Variants in KLHL32 observed in about 807,000 individuals in gnomAD.
The protein encoded by KLHL32 is kelch-like protein 32.
Under a neutral mutation model 64.8 loss-of-function variants are expected in KLHL32, and 35 were observed. The observed-to-expected ratio is 0.54, with a 90% confidence interval of 0.41 to 0.72. The LOEUF (loss-of-function observed/expected upper bound fraction) is 0.72. Among genes scored for constraint, KLHL32 ranks in the 30% least tolerant of loss-of-function variants. The pLI, the probability that KLHL32 is intolerant of heterozygous loss-of-function variation, is 0.00. For synonymous variants in KLHL32, 259 were observed against 281.0 expected (o/e 0.92, Z 0.78); for missense variants, 589 against 768.5 (o/e 0.77, Z 2.76).
chr6:97,014,009 T>G (rs1353660517), intron 3 of KLHL32, among the ~76,000 whole-genome samples: 3 of 152,164 alleles, frequency 2.0e-5, no homozygotes, highest in Non-Finnish European at 4.4e-5. Flanking sequence ...TTTCTCTCTG[T>G]ATATGTTTCT....
At chr6:97,029,392 T>C (rs1003792708) in intron 3 of KLHL32, among the ~76,000 whole-genome samples, 6 of 152,244 alleles carry the variant, frequency 3.9e-5, no homozygotes, top group Admixed American at 1.3e-4. Flanking sequence ...TTTTAGCATA[T>C]AAGATGGATC....
rs751842867 is a variant in KLHL32 at position 97,085,251 on chromosome 6, A to G, written c.537A>G (p.Pro179=). ...KHLSELLKSR[P]EEVLTLPYCL... is the part of the protein sequence containing the mutation. ...TCTCTGAACTCCTGAAGAGCCGCCC[A>G]GAAGAAGTTCTAACGCTTCCCTATT... The change falls in exon 6 of 11, where the codon CCA becomes CCG. Residue 179 remains proline, a synonymous_variant. Coordinates refer to ENST00000369261, the MANE Select transcript of KLHL32 (RefSeq NM_052904.4). The G allele has an allele frequency of 1.2e-6, 2 of 1,614,000 alleles. No individual in the cohort carries two copies. The highest frequency in any genetic ancestry group is 1.3e-5 in the African/African-American group (1 of 75,052).
At chr6:96,918,243 C>G in the KLHL32 span, among the ~76,000 whole-genome samples, 1 of 152,150 alleles carries the variant, frequency 6.6e-6, no homozygotes, top group Non-Finnish European at 1.5e-5. Context: ...TAACAGAGCT[C>G]ATAGGTAAAA....
At chr6:97,016,587 C>G (rs2128099482) in intron 3 of KLHL32, among the ~76,000 whole-genome samples, 1 of 152,238 alleles carries the variant, frequency 6.6e-6, no homozygotes, top group African/African-American at 2.4e-5. Context: ...AAGGGACTTT[C>G]CTTGTCTTAG....
intron 1 of KLHL32, among the ~76,000 whole-genome samples, chr6:96,937,087 A>AT (rs919304492): frequency 2.0e-5 from 3 of 152,122 alleles, no homozygotes; most frequent in East Asian, 1.9e-4. Context: ...GAAAACTTAC[A>AT]TATCATTAAA....
chr6:96,901,977 A>G, the KLHL32 span, among the ~76,000 whole-genome samples: 16 of 152,302 alleles, frequency 1.1e-4, 1 homozygote, highest in East Asian at 2.3e-3. Context: ...TATCCAGTCT[A>G]TCATTGATGG....
Position 96,956,991 on chromosome 6 carries a change from G to A in KLHL32, c.-65-10005G>A, listed in dbSNP as rs181238606. On this transcript the variant is annotated intron_variant, in intron 1 of 10. Coordinates refer to ENST00000369261, the MANE Select transcript of KLHL32 (RefSeq NM_052904.4). ...TGTACCTCTCTCAATAGAAGAAAAT[G>A]CAGAATGTCTTATACTGTTAGGGTA... 4.3e-3 allele frequency among the ~76,000 whole-genome samples: 655 copies of A among 152,274 alleles called. 13 individuals carry two copies. The highest frequency in any genetic ancestry group is 0.015 in the African/African-American group (634 of 41,548).
chr6:97,029,997 C>T (rs1376707762), intron 3 of KLHL32, among the ~76,000 whole-genome samples: 1 of 152,166 alleles, frequency 6.6e-6, no homozygotes, highest in African/African-American at 2.4e-5. Flanking sequence ...CTTCCTTAAA[C>T]ATGTCTTTTT....
intron 1 of KLHL32, among the ~76,000 whole-genome samples, chr6:96,932,569 C>CT (rs112196746): frequency 1.5e-5 from 2 of 133,248 alleles, no homozygotes; most frequent in African/African-American, 5.3e-5. Flanking sequence ...CAATTTCCCC[C>CT]CCCCCCTTTT....
intron 3 of KLHL32, among the ~76,000 whole-genome samples, chr6:97,029,610 C>T (rs1362618364): frequency 6.6e-6 from 1 of 152,138 alleles, no homozygotes; most frequent in African/African-American, 2.4e-5. Flanking sequence ...CTCTTTCATA[C>T]CATTTAGCTC....
At chr6:97,068,427 C>T (rs1243524268) in intron 5 of KLHL32, among the ~76,000 whole-genome samples, 3 of 152,022 alleles carry the variant, frequency 2.0e-5, no homozygotes, top group Non-Finnish European at 4.4e-5. Flanking sequence ...AGTGTGAATC[C>T]ACCAGAATTC....
At chr6:97,045,024 T>C (rs1361369611) in intron 4 of KLHL32, among the ~76,000 whole-genome samples, 1 of 152,172 alleles carries the variant, frequency 6.6e-6, no homozygotes, top group Non-Finnish European at 1.5e-5. Flanking sequence ...CTTTAGAGGC[T>C]TATTAAAACG....
intron 3 of KLHL32, chr6:96,999,537 A>G: frequency 1.0e-6 from 1 of 979,798 alleles, no homozygotes; most frequent in Non-Finnish European, 1.2e-6. Flanking sequence ...AATTCCTGAC[A>G]GTATAAAAAG....
intron 2 of KLHL32, among the ~76,000 whole-genome samples, chr6:96,968,384 A>C (rs1345466851): frequency 6.6e-6 from 1 of 151,596 alleles, no homozygotes; most frequent in Non-Finnish European, 1.5e-5. Flanking sequence ...AAAAACAAAA[A>C]CAAAAACAAA....
At chr6:97,006,089 T>G (rs1779629363) in intron 3 of KLHL32, among the ~76,000 whole-genome samples, 1 of 152,170 alleles carries the variant, frequency 6.6e-6, no homozygotes, top group African/African-American at 2.4e-5. Context: ...CTCAATGATC[T>G]AATACTATCA....
At chr6:97,070,744 C>T (rs1278625755) in intron 5 of KLHL32, among the ~76,000 whole-genome samples, 1 of 152,132 alleles carries the variant, frequency 6.6e-6, no homozygotes, top group Non-Finnish European at 1.5e-5. Context: ...TTTCAGTATG[C>T]ATTTTTCTTC....
At chr6:97,112,832 A>G (rs1562350995) in intron 6 of KLHL32, among the ~76,000 whole-genome samples, 2 of 149,742 alleles carry the variant, frequency 1.3e-5, no homozygotes, top group Non-Finnish European at 3.0e-5. Flanking sequence ...AAATGAAACA[A>G]TATTCTTTAT....
intron 6 of KLHL32, among the ~76,000 whole-genome samples, chr6:97,099,597 C>T (rs970893837): frequency 6.6e-6 from 1 of 152,182 alleles, no homozygotes; most frequent in African/African-American, 2.4e-5. Context: ...CATGAGTCTT[C>T]TGAGACTATC....
intron 4 of KLHL32, among the ~76,000 whole-genome samples, chr6:97,056,071 G>A (rs1214245268): frequency 6.7e-6 from 1 of 148,886 alleles, no homozygotes; most frequent in East Asian, 2.0e-4. Context: ...GTGCAGCATA[G>A]CCAGCCTCCC....
Sources: allele counts gnomAD v4.1 joint callset (sites outside exome capture counted in the v4.1 genomes callset), GRCh38; gene constraint gnomAD v4.1.1; transcripts MANE v1.5; gene names NCBI Gene and HGNC (gene_info 2026-07-23, HGNC 2026-07-21).